AKAP9: variants seen among roughly 807,000 people sequenced by gnomAD.
The protein encoded by AKAP9 is A-kinase anchoring protein 9, also known as A-kinase anchor protein 9.
Under a neutral mutation model 488.5 loss-of-function variants are expected in AKAP9, and 311 were observed. The ratio of observed to expected loss-of-function variants is 0.64; its 90% CI spans 0.58 to 0.70. The LOEUF (loss-of-function observed/expected upper bound fraction) is 0.70, where lower values mean the gene tolerates loss of function less well. Among genes scored for constraint, AKAP9 ranks in the 30% least tolerant of loss-of-function variants. AKAP9 has a pLI of 0.00. For missense variants in AKAP9, 4,215 were observed against 4,374.5 expected (o/e 0.96, Z 1.03); for synonymous variants, 1,462 against 1,483.5 (o/e 0.99, Z 0.33).
chr7:91,942,086 C>T (rs375461116), intron 1 of AKAP9, among the ~76,000 whole-genome samples: 36 of 152,294 alleles, frequency 2.4e-4, no homozygotes, highest in African/African-American at 8.7e-4. Context: ...AAGCCCCCTT[C>T]CTCCCTTCAA....
chr7:92,106,134 G>C (rs1319775334), intron 47 of AKAP9, among the ~76,000 whole-genome samples: 1 of 152,182 alleles, frequency 6.6e-6, no homozygotes, highest in Non-Finnish European at 1.5e-5. Flanking sequence ...AAAAAGGTTG[G>C]GGACTGCTGC....
intron 39 of AKAP9, 50 bp from the exon 40 acceptor site, chr7:92,094,973 A>G (rs1393950421): frequency 3.8e-6 from 6 of 1,578,110 alleles, no homozygotes; most frequent in Non-Finnish European, 4.4e-6. Flanking sequence ...CTCTCATTAT[A>G]TGCTTCGTCA....
intron 20 of AKAP9, among the ~76,000 whole-genome samples, chr7:92,044,051 G>C (rs891389402): frequency 3.9e-5 from 6 of 152,164 alleles, no homozygotes; most frequent in Non-Finnish European, 7.4e-5. Context: ...ATGGTAGAAT[G>C]TTCATGTTAA....
intron 22 of AKAP9, among the ~76,000 whole-genome samples, chr7:92,054,509 G>A (rs1808459048): frequency 6.6e-6 from 1 of 151,940 alleles, no homozygotes; most frequent in Non-Finnish European, 1.5e-5. Flanking sequence ...AGAGTGTGGT[G>A]GGGACCAAGT....
chr7:91,963,481 G>GACACACACACAC (rs1562902649), intron 1 of AKAP9, among the ~76,000 whole-genome samples: 2 of 115,640 alleles, frequency 1.7e-5, no homozygotes, highest in South Asian at 5.7e-4. Flanking sequence ...TAACATATTT[G>GACACACACACAC]TCACACACAC....
intron 1 of AKAP9, chr7:91,970,420 G>A: frequency 4.4e-6 from 2 of 452,100 alleles, no homozygotes; most frequent in Non-Finnish European, 8.9e-6. Flanking sequence ...TTACTAGTGG[G>A]TTGTATACCT....
intron 1 of AKAP9, among the ~76,000 whole-genome samples, chr7:91,967,071 T>C (rs1181857778): frequency 6.6e-6 from 1 of 152,172 alleles, no homozygotes; most frequent in Non-Finnish European, 1.5e-5. Context: ...TTTATATTCT[T>C]TGTAGCTATA....
At chr7:92,083,693 G>C in intron 33 of AKAP9, 38 bp downstream of exon 33, 1 of 1,573,796 alleles carries the variant, frequency 6.4e-7, no homozygotes, top group African/African-American at 1.5e-5. Flanking sequence ...TCAACATTGT[G>C]TGGTTTTTTA....
intron 19 of AKAP9, 145 bp downstream of exon 19, chr7:92,042,331 T>C: frequency 9.6e-7 from 1 of 1,040,982 alleles, no homozygotes; most frequent in Non-Finnish European, 1.4e-6. Context: ...GTAGGTGGAG[T>C]CAAAATGCCT....
At chr7:92,039,265 G>T (rs760203908) in intron 17 of AKAP9, among the ~76,000 whole-genome samples, 1 of 152,128 alleles carries the variant, frequency 6.6e-6, no homozygotes, top group South Asian at 2.1e-4. Flanking sequence ...CTTAATATTA[G>T]TATCAAATAA....
chr7:92,105,891 G>A, intron 47 of AKAP9, 128 bp downstream of exon 47: 1 of 841,204 alleles, frequency 1.2e-6, no homozygotes. Context: ...CAGGTGAGCA[G>A]CGGGCATTAC....
chr7:91,954,547 C>T (rs936368557), intron 1 of AKAP9, among the ~76,000 whole-genome samples: 6 of 152,168 alleles, frequency 3.9e-5, no homozygotes, highest in African/African-American at 9.7e-5. Flanking sequence ...GGGTTATGGG[C>T]GCAAGCCACT....
intron 2 of AKAP9, among the ~76,000 whole-genome samples, chr7:91,979,140 C>T (rs887841503): frequency 1.3e-5 from 2 of 151,852 alleles, no homozygotes; most frequent in Non-Finnish European, 2.9e-5. Context: ...GGTAGTTCCT[C>T]CTTATTTGTG....
At chr7:92,042,463 T>C (rs1392747945) in intron 19 of AKAP9, among the ~76,000 whole-genome samples, 2 of 152,184 alleles carry the variant, frequency 1.3e-5, no homozygotes, top group Non-Finnish European at 2.9e-5. Context: ...CCCATTAAAA[T>C]TTTTTATTTG....
At chr7:92,068,418 G>A (rs1584408457) in intron 26 of AKAP9, among the ~76,000 whole-genome samples, 2 of 147,218 alleles carry the variant, frequency 1.4e-5, no homozygotes, top group South Asian at 4.3e-4. Context: ...TCTAGTTATT[G>A]CCCCATTTCT....
chr7:92,095,912 A>G (rs1231230819), intron 40 of AKAP9, among the ~76,000 whole-genome samples: 4 of 152,170 alleles, frequency 2.6e-5, no homozygotes, highest in African/African-American at 4.8e-5. Context: ...GTTTATGTAT[A>G]TTTTGAGTTA....
chr7:92,024,653 A>C (rs1802836340), intron 14 of AKAP9, among the ~76,000 whole-genome samples: 1 of 152,122 alleles, frequency 6.6e-6, no homozygotes, highest in Non-Finnish European at 1.5e-5. Context: ...TTAATGAATG[A>C]ACAGTTTATA....
chr7:92,053,080 G>A (rs999572675), intron 22 of AKAP9, 122 bp downstream of exon 22: 17 of 770,846 alleles, frequency 2.2e-5, no homozygotes, highest in Non-Finnish European at 3.8e-5. Context: ...AAGCTTGAAT[G>A]CATATGCATC....
intron 28 of AKAP9, among the ~76,000 whole-genome samples, chr7:92,075,073 T>C (rs1278281081): frequency 1.4e-5 from 2 of 141,892 alleles, no homozygotes; most frequent in Non-Finnish European, 3.1e-5. Flanking sequence ...TGTAAAACAA[T>C]AAAATGAGTC....
Sources: allele counts gnomAD v4.1 joint callset (sites outside exome capture counted in the v4.1 genomes callset), GRCh38; gene constraint gnomAD v4.1.1; transcripts MANE v1.5; gene names NCBI Gene and HGNC (gene_info 2026-07-23, HGNC 2026-07-21).